ARV1: variants seen among roughly 807,000 people sequenced by gnomAD.
The protein encoded by ARV1 is protein ARV1.
ARV1 carries 26 observed loss-of-function variants against 31.1 expected under a neutral mutation model. The ratio of observed to expected loss-of-function variants is 0.84; its 90% CI spans 0.61 to 1.16. ARV1 has a LOEUF of 1.16. Ranked by LOEUF, ARV1 falls within the 50% of genes most tolerant of loss-of-function variation. The pLI, the probability that ARV1 is intolerant of heterozygous loss-of-function variation, is 0.00. For missense variants in ARV1, 281 were observed against 324.9 expected, an observed-to-expected ratio of 0.86 and a Z score of 1.04; for synonymous variants, 117 against 123.2, an observed-to-expected ratio of 0.95 and a Z score of 0.34.
chr1:230,997,340 G>A, intron 5 of ARV1, 73 bp downstream of exon 5: 3 of 1,538,442 alleles, frequency 2.0e-6, no homozygotes, highest in South Asian at 2.4e-5. Flanking sequence ...CATTGTAAAA[G>A]AAGTCGGTGC....
Position 230,990,282 on chromosome 1 carries a change from T to A in ARV1, c.448+19T>A, listed in dbSNP as rs1679194245. ...GCTTTAGGTAAGGAGATGCCATGCT[T>A]TCCATTCTTAGTTAACTATTCTTAC... On this transcript the variant is annotated intron_variant, in intron 3 of 5. Transcript: ENST00000310256. 4.3e-6 allele frequency: 7 copies of A among 1,611,942 alleles called. No homozygotes were observed. Among genetic ancestry groups the A allele is most frequent in the Non-Finnish European group, 5.9e-6 (7 of 1,179,468 alleles).
At chr1:230,983,103 T>C (rs1678955577) in intron 1 of ARV1, among the ~76,000 whole-genome samples, 1 of 152,154 alleles carries the variant, frequency 6.6e-6, no homozygotes, top group Non-Finnish European at 1.5e-5. Context: ...CACAATTTAT[T>C]ATAAGTACGC....
At chr1:230,981,654 T>A (rs1161679945) in intron 1 of ARV1, among the ~76,000 whole-genome samples, 1 of 152,336 alleles carries the variant, frequency 6.6e-6, no homozygotes, top group African/African-American at 2.4e-5. Context: ...CTCCACACAG[T>A]AGCCAGGGAC....
chr1:230,991,651 A>AG (rs1358401340), intron 3 of ARV1, among the ~76,000 whole-genome samples: 2 of 77,484 alleles, frequency 2.6e-5, no homozygotes, highest in Admixed American at 1.3e-4. Context: ...TTTTTTTTTG[A>AG]GACGGAGTCT....
At chr1:230,984,554 G>A (rs766762102) in intron 1 of ARV1, among the ~76,000 whole-genome samples, 6 of 152,070 alleles carry the variant, frequency 3.9e-5, no homozygotes, top group Non-Finnish European at 7.4e-5. Flanking sequence ...ACTTTGAGAC[G>A]AATTAAGAGT....
chr1:230,998,198 G>A (rs1255930324), intron 5 of ARV1, among the ~76,000 whole-genome samples: 3 of 152,180 alleles, frequency 2.0e-5, no homozygotes, highest in Admixed American at 6.5e-5. Context: ...TAGGAAGCAG[G>A]ACCTTAGGCA....
At chr1:230,997,068 T>G in intron 4 of ARV1, 53 bp from the exon 5 acceptor site, 4 of 1,586,016 alleles carry the variant, frequency 2.5e-6, no homozygotes, top group Non-Finnish European at 2.6e-6. Flanking sequence ...AAAATTTACA[T>G]GTCAATATCG....
intron 1 of ARV1, among the ~76,000 whole-genome samples, chr1:230,986,666 CTATTTTTT>C (rs1679080555): frequency 5.4e-4 from 43 of 79,726 alleles, no homozygotes; most frequent in Non-Finnish European, 6.2e-4. Flanking sequence ...AATACTTTTC[CTATTTTTT>C]TTTTTTTTTT....
rs529019504 is a variant in ARV1 at position 230,986,617 on chromosome 1, C to T, written c.175-1703C>T. Among the ~76,000 whole-genome samples, 9 of 146,840 alleles carry T rather than the reference C, an allele frequency of 6.1e-5. No homozygotes were observed. The South Asian group carries it at 9.1e-4, about 15-fold the overall frequency. On this transcript the variant is annotated intron_variant, in intron 1 of 5. Coordinates refer to ENST00000310256, the MANE Select transcript of ARV1 (RefSeq NM_022786.3). ...AGTATGGAACCCAATTACCATCCATCGGAACACGTTTCTGTTCGTGCCTTC... is the reference window on the plus strand; with the variant it reads ...AGTATGGAACCCAATTACCATCCATTGGAACACGTTTCTGTTCGTGCCTTC...
chr1:230,980,865 A>G (rs1572333154), intron 1 of ARV1, among the ~76,000 whole-genome samples: 1 of 151,942 alleles, frequency 6.6e-6, no homozygotes, highest in South Asian at 2.1e-4. Context: ...CAGACCTTCT[A>G]AGATATGTTT....
intron 3 of ARV1, among the ~76,000 whole-genome samples, chr1:230,992,929 G>A (rs561981440): frequency 4.7e-4 from 71 of 152,208 alleles, no homozygotes; most frequent in African/African-American, 1.7e-3. Flanking sequence ...TTTGGACTTT[G>A]CAACAATTTA....
Position 230,997,211 on chromosome 1 carries a change from T to C in ARV1, c.764T>C (p.Met255Thr). Residue 255 changes from methionine (M) to threonine (T), a missense_variant, in exon 5 of 6, where the codon ATG becomes ACG. Transcript: ENST00000310256. ...ATCATGGTCTACTTCTTCCAGAGTATGGAATGGGATGTTGGAAGTGATTAT... is the reference window on the plus strand; with the variant it reads ...ATCATGGTCTACTTCTTCCAGAGTACGGAATGGGATGTTGGAAGTGATTAT... ...ESIMVYFFQS[M>T]EWDVGSDYAI... The C allele has an allele frequency of 6.2e-7, 1 of 1,613,980 alleles. No individual in the cohort carries two copies. The highest frequency in any genetic ancestry group is 8.5e-7 in the Non-Finnish European group (1 of 1,179,834).
chr1:230,995,429 T>C (rs186843349), intron 3 of ARV1, among the ~76,000 whole-genome samples: 106 of 152,306 alleles, frequency 7.0e-4, no homozygotes, highest in Middle Eastern at 3.4e-3. Flanking sequence ...TTTGGAGATC[T>C]CTTACACTGA....
At chr1:230,991,631 C>CTTTTTT (rs35843547) in intron 3 of ARV1, among the ~76,000 whole-genome samples, 1 of 133,022 alleles carries the variant, frequency 7.5e-6, no homozygotes. Flanking sequence ...AGTACTTCTA[C>CTTTTTT]TTTTTTTTTT....
chr1:230,995,825 A>T lies in ARV1; in HGVS notation c.514A>T (p.Lys172Ter). Residue 172 changes from lysine (K) to a stop codon, truncating the protein, a stop_gained, in exon 4 of 6, where the codon AAA (lysine) becomes TAA (stop). Coordinates refer to ENST00000310256, the MANE Select transcript of ARV1 (RefSeq NM_022786.3). LOFTEE classifies it high-confidence loss of function. ...LWVERPMTAK[K>*]KPNFILLLKA... ...GGTAGAACGGCCCATGACGGCAAAAAAAAAGCCCAACTTCATTTTGCTGCT... is the reference window on the plus strand; with the variant it reads ...GGTAGAACGGCCCATGACGGCAAAATAAAAGCCCAACTTCATTTTGCTGCT... 1 of 1,614,172 alleles carries T rather than the reference A, an allele frequency of 6.2e-7. No homozygotes were observed. Among genetic ancestry groups the T allele is most frequent in the Admixed American group, 1.7e-5 (1 of 60,022 alleles).
Position 230,990,253 on chromosome 1 carries a change from T to G in ARV1, c.438T>G (p.Ile146Met), listed in dbSNP as rs1419725559. 6.2e-7 allele frequency: 1 copy of G among 1,613,078 alleles called. No individual in the cohort carries two copies. Among genetic ancestry groups the G allele is most frequent in the East Asian group, 2.2e-5 (1 of 44,812 alleles). Residue 146 changes from isoleucine (I) to methionine (M), a missense_variant, in exon 3 of 6, where the codon ATT (isoleucine) becomes ATG (methionine). Physicochemically the swap from Ile to Met is conservative, Grantham distance 10. Coordinates refer to ENST00000310256, the MANE Select transcript of ARV1 (RefSeq NM_022786.3). Reference sequence around the variant, plus strand: ...GGGATTTCTATAGAATGTTTGCGATTGCTGCTTTAGGTAAGGAGATGCCAT... The same window carrying G: ...GGGATTTCTATAGAATGTTTGCGATGGCTGCTTTAGGTAAGGAGATGCCAT... ...KEWDFYRMFA[I>M]AALEQTAYFI... is the part of the protein sequence containing the mutation.
intron 1 of ARV1, among the ~76,000 whole-genome samples, chr1:230,984,145 G>A (rs1483209376): frequency 1.3e-5 from 2 of 152,168 alleles, no homozygotes; most frequent in Non-Finnish European, 2.9e-5. Flanking sequence ...AACTACTCAG[G>A]AGGTTGAGGT....
intron 3 of ARV1, among the ~76,000 whole-genome samples, chr1:230,991,315 CT>C (rs1288598163): frequency 2.9e-4 from 44 of 152,146 alleles, no homozygotes; most frequent in Admixed American, 2.9e-3. Flanking sequence ...TCTCTGTCTG[CT>C]CTCGCTCTCT....
At chr1:230,981,478 G>A (rs1678908346) in intron 1 of ARV1, among the ~76,000 whole-genome samples, 1 of 152,208 alleles carries the variant, frequency 6.6e-6, no homozygotes, top group Non-Finnish European at 1.5e-5. Context: ...CCATATTCAG[G>A]TATTCAGCAA....
Sources: allele counts gnomAD v4.1 joint callset (sites outside exome capture counted in the v4.1 genomes callset), GRCh38; gene constraint gnomAD v4.1.1; transcripts MANE v1.5; gene names NCBI Gene and HGNC (gene_info 2026-07-23, HGNC 2026-07-21).